Variants in ADAMTSL1 observed in about 807,000 individuals in gnomAD.
The protein encoded by ADAMTSL1 is ADAMTS like 1, also known as ADAMTS-like protein 1.
In ADAMTSL1, 126 loss-of-function variants were observed where a neutral mutation model predicts 201.8. The observed-to-expected ratio is 0.62, with a 90% CI of 0.54 to 0.72. The LOEUF is 0.72. ADAMTSL1 is among the 30% of genes least tolerant of loss of function. ADAMTSL1 has a pLI of 0.00. For missense variants in ADAMTSL1, 2,679 were observed against 2,277.8 expected (o/e 1.18, Z -3.59); for synonymous variants, 1,121 against 903.4 (o/e 1.24, Z -4.32).
chr9:18,898,483 A>T (rs895195730), intron 26 of ADAMTSL1, among the ~76,000 whole-genome samples: 4 of 152,248 alleles, frequency 2.6e-5, no homozygotes, highest in Non-Finnish European at 5.9e-5. Flanking sequence ...AAGAATGGAA[A>T]GGAACCAACA....
chr9:18,399,633 G>A (rs1039161068), intron 2 of ADAMTSL1, among the ~76,000 whole-genome samples: 3 of 151,980 alleles, frequency 2.0e-5, no homozygotes, highest in Non-Finnish European at 2.9e-5. Flanking sequence ...TTACAGGCAT[G>A]AGCCACCGCA....
chr9:18,789,250 A>G (rs1018724768), intron 19 of ADAMTSL1, among the ~76,000 whole-genome samples: 5 of 152,248 alleles, frequency 3.3e-5, no homozygotes, highest in African/African-American at 1.2e-4. Flanking sequence ...TTTTTACTAC[A>G]TGCCAGGCAC....
chr9:18,257,167 T>G (rs1245667041), intron 2 of ADAMTSL1, among the ~76,000 whole-genome samples: 2 of 152,236 alleles, frequency 1.3e-5, no homozygotes, highest in Non-Finnish European at 2.9e-5. Context: ...GGTATGGTGA[T>G]CATCACAACA....
intron 2 of ADAMTSL1, among the ~76,000 whole-genome samples, chr9:18,316,554 C>A (rs1834402412): frequency 6.6e-6 from 1 of 152,098 alleles, no homozygotes. Context: ...TGGCTCTGTT[C>A]CGCCTGGCTC....
chr9:18,388,842 C>T (rs1446804715), intron 2 of ADAMTSL1, among the ~76,000 whole-genome samples: 10 of 151,732 alleles, frequency 6.6e-5, no homozygotes, highest in African/African-American at 1.9e-4. Flanking sequence ...CTGCAACCTC[C>T]GCCTCCCAGG....
Position 18,777,894 on chromosome 9 carries a change from A to G in ADAMTSL1, c.3665A>G (p.Gln1222Arg). The G allele has an allele frequency of 1.9e-6, 3 of 1,549,184 alleles. No homozygotes were observed. Among genetic ancestry groups the G allele is most frequent in the Non-Finnish European group, 2.6e-6 (3 of 1,144,190 alleles). ...ISWARNGEEV[Q>R]FSDRILLQPD... is the part of the protein sequence containing the mutation. ...TGGGCCAGGAATGGAGAAGAAGTTCAGTTCAGTGACAGGTGAGCCTTGTAG... is the reference window on the plus strand; with the variant it reads ...TGGGCCAGGAATGGAGAAGAAGTTCGGTTCAGTGACAGGTGAGCCTTGTAG... The change falls in exon 19 of 29, where the codon CAG (glutamine) becomes CGG (arginine). Residue 1222 changes from glutamine (Q) to arginine (R), a missense_variant. Gln to Arg is a conservative substitution (Grantham distance 43). Coordinates refer to ENST00000380548, the MANE Select transcript of ADAMTSL1 (RefSeq NM_001040272.6).
chr9:18,550,330 C>T (rs768776632), intron 3 of ADAMTSL1, among the ~76,000 whole-genome samples: 1 of 151,878 alleles, frequency 6.6e-6, no homozygotes, highest in African/African-American at 2.4e-5. Context: ...CATCTAATCA[C>T]ACAGACTCCT....
At chr9:18,815,281 C>T (rs570814307) in intron 20 of ADAMTSL1, among the ~76,000 whole-genome samples, 68 of 151,514 alleles carry the variant, frequency 4.5e-4, no homozygotes, top group Non-Finnish European at 8.5e-4. Flanking sequence ...GCACTATTCA[C>T]AATATCCAAG....
At chr9:18,355,498 A>G (rs1836179770) in intron 2 of ADAMTSL1, among the ~76,000 whole-genome samples, 1 of 152,168 alleles carries the variant, frequency 6.6e-6, no homozygotes, top group African/African-American at 2.4e-5. Flanking sequence ...CCCTTTTCAA[A>G]TGAGAAGTTT....
intron 2 of ADAMTSL1, 48 bp from the exon 3 acceptor site, chr9:18,533,199 T>A: frequency 6.6e-7 from 1 of 1,520,190 alleles, no homozygotes; most frequent in Non-Finnish European, 9.0e-7. Context: ...TTTCTGATTT[T>A]GAGCTTTTCA....
At chr9:18,476,561 T>A (rs1821463530) in intron 1 of ADAMTSL1, among the ~76,000 whole-genome samples, 1 of 152,226 alleles carries the variant, frequency 6.6e-6, no homozygotes, top group South Asian at 2.1e-4. Flanking sequence ...TAAGAGATTG[T>A]GACCTTTAGC....
At chr9:18,902,937 G>C (rs1472691682) in intron 26 of ADAMTSL1, among the ~76,000 whole-genome samples, 1 of 152,188 alleles carries the variant, frequency 6.6e-6, no homozygotes, top group African/African-American at 2.4e-5. Context: ...AGGCACGGTG[G>C]CTCATACCTG....
intron 1 of ADAMTSL1, among the ~76,000 whole-genome samples, chr9:18,081,420 T>G (rs1163405863): frequency 6.6e-6 from 1 of 152,174 alleles, no homozygotes; most frequent in Non-Finnish European, 1.5e-5. Context: ...TTATAAACAT[T>G]CCCAATCTTT....
intron 2 of ADAMTSL1, among the ~76,000 whole-genome samples, chr9:18,182,546 C>T (rs977942308): frequency 6.6e-6 from 1 of 152,180 alleles, no homozygotes; most frequent in Admixed American, 6.5e-5. Context: ...AGAAATGCTC[C>T]CACAGTAATA....
At chr9:18,709,646 A>T (rs1832434530) in intron 14 of ADAMTSL1, among the ~76,000 whole-genome samples, 1 of 152,206 alleles carries the variant, frequency 6.6e-6, no homozygotes, top group Non-Finnish European at 1.5e-5. Flanking sequence ...CATTTTCTGG[A>T]AGATCGAACG....
At chr9:17,968,331 C>G (rs529009535) in intron 1 of ADAMTSL1, among the ~76,000 whole-genome samples, 11 of 152,192 alleles carry the variant, frequency 7.2e-5, no homozygotes, top group African/African-American at 1.4e-4. Context: ...GTTACAATTT[C>G]TAAATACATG....
chr9:18,448,293 G>A (rs1820274631), intron 2 of ADAMTSL1, among the ~76,000 whole-genome samples: 1 of 152,140 alleles, frequency 6.6e-6, no homozygotes, highest in Non-Finnish European at 1.5e-5. Flanking sequence ...AGTGTGGGAA[G>A]GACACAGGAC....
chr9:18,610,028 A>G (rs1825277931), intron 4 of ADAMTSL1, among the ~76,000 whole-genome samples: 1 of 152,188 alleles, frequency 6.6e-6, no homozygotes, highest in African/African-American at 2.4e-5. Context: ...AGGGTTCCAC[A>G]TCACATAGAT....
chr9:18,476,932 C>T (rs538233411), intron 1 of ADAMTSL1, among the ~76,000 whole-genome samples: 50 of 152,242 alleles, frequency 3.3e-4, no homozygotes, highest in African/African-American at 1.1e-3. Context: ...CCCCTTGGAA[C>T]TTATTTCTGA....
Sources: gnomAD v4.1 joint callset for allele counts (sites outside exome capture counted in the v4.1 genomes callset) on GRCh38, gnomAD v4.1.1 for gene constraint, MANE v1.5 for transcripts, NCBI Gene and HGNC (gene_info 2026-07-23, HGNC 2026-07-21) for gene names.